CAMSAP1: variants seen among roughly 807,000 people sequenced by gnomAD.
The protein encoded by CAMSAP1 is calmodulin regulated spectrin associated protein 1, also known as calmodulin-regulated spectrin-associated protein 1.
A neutral mutation model predicts 143.5 loss-of-function variants in CAMSAP1; 58 were observed. That is an observed-to-expected ratio of 0.40 (90% CI 0.33 to 0.50). The LOEUF is 0.50. Among genes scored for constraint, CAMSAP1 ranks in the 20% least tolerant of loss-of-function variants. CAMSAP1 has a pLI of 0.45. For missense variants in CAMSAP1, 1,969 were observed against 2,115.7 expected, an observed-to-expected ratio of 0.93 and a Z score of 1.36; for synonymous variants, 945 against 859.3, an observed-to-expected ratio of 1.10 and a Z score of -1.74.
rs71384025 is a variant in CAMSAP1 at position 135,846,072 on chromosome 9, C to CAAAAAAAA, written c.1045+4057_1045+4064dup. ...CCCTCATAGCCAAGACAACCCTAAG[C>CAAAAAAAA]AAAAAAAAAAAAAAAAAAAAACGAA... On this transcript the variant is annotated intron_variant, in intron 7 of 16. Coordinates refer to ENST00000389532, the MANE Select transcript of CAMSAP1 (RefSeq NM_015447.4). Among the ~76,000 whole-genome samples the CAAAAAAAA allele has an allele frequency of 2.5e-5, 2 of 79,908 alleles. 1 individual carries two copies. The highest frequency in any genetic ancestry group is 9.3e-5 in the African/African-American group (2 of 21,528). The allele number at this position is 79,908 out of a possible 152,430, so 52.4% of individuals were successfully genotyped here.
At chr9:135,896,379 A>G (rs1234703365) in intron 1 of CAMSAP1, among the ~76,000 whole-genome samples, 1 of 152,236 alleles carries the variant, frequency 6.6e-6, no homozygotes, top group Non-Finnish European at 1.5e-5. Context: ...ATAAAGCCTC[A>G]AAGTACATGA....
At position 135,818,293 on chromosome 9, in the gene CAMSAP1, C is replaced by T; in HGVS notation, c.4168+115G>A. On this transcript the variant is annotated intron_variant, in intron 13 of 16. Transcript: ENST00000389532. The surrounding 1 kb of genome is among the most constrained non-coding windows in gnomAD (Gnocchi z 7.7). The stretch of plus-strand genomic sequence containing the variant: ...TCATCCATGAAACGGGGATAATCAT[C>T]TCCACCCTTCCCGCCTCACACCACT... The T allele has an allele frequency of 1.6e-6, 2 of 1,219,916 alleles. No individual in the cohort carries two copies. The highest frequency in any genetic ancestry group is 2.3e-6 in the Non-Finnish European group (2 of 884,396). 75.6% of individuals were successfully genotyped at this position (1,219,916 alleles called of 1,614,324 possible).
chr9:135,894,457 G>A (rs1191421956), intron 1 of CAMSAP1, among the ~76,000 whole-genome samples: 1 of 152,198 alleles, frequency 6.6e-6, no homozygotes, highest in Non-Finnish European at 1.5e-5. Context: ...CAAACACCCA[G>A]CCTGGGAAGC....
chr9:135,849,953 T>G (rs1042639068), intron 7 of CAMSAP1, 184 bp downstream of exon 7: 2 of 493,428 alleles, frequency 4.1e-6, no homozygotes, highest in Non-Finnish European at 7.1e-6. Context: ...CGTAACCGAA[T>G]AGTTCATCAA....
At position 135,818,452 on chromosome 9, in the gene CAMSAP1, C is replaced by G. The variant is rs376183260; in HGVS notation, c.4124G>C (p.Arg1375Pro). ...GCCGGAGTCGCTGCACGACTCTTCC[C>G]GGTGCACCGACTTCGGCCGCGGCTT... ...PKKPRPKSVH[R>P]EESCSDSGTK... Residue 1375 changes from arginine (R) to proline (P), a missense_variant, in exon 13 of 17, where the codon CGG becomes CCG. Coordinates refer to ENST00000389532, the MANE Select transcript of CAMSAP1 (RefSeq NM_015447.4). This position sits in a 1 kb window ranked among gnomAD's most constrained non-coding sequence, Gnocchi z 7.7. The G allele has an allele frequency of 6.2e-7, 1 of 1,600,992 alleles. No homozygotes were observed. Among genetic ancestry groups the G allele is most frequent in the Admixed American group, 1.7e-5 (1 of 59,266 alleles).
At chr9:135,875,667 G>A (rs1837719604) in intron 3 of CAMSAP1, among the ~76,000 whole-genome samples, 1 of 152,162 alleles carries the variant, frequency 6.6e-6, no homozygotes, top group African/African-American at 2.4e-5. Context: ...CAACAAAGAT[G>A]TCAAAGTAAT....
At chr9:135,859,185 T>G (rs1373311759) in intron 5 of CAMSAP1, among the ~76,000 whole-genome samples, 2 of 152,234 alleles carry the variant, frequency 1.3e-5, no homozygotes, top group African/African-American at 4.8e-5. Context: ...TGCTGCAGTC[T>G]CACCTGTGGC....
In CAMSAP1 at chr9:135,815,095, G is replaced by T; in HGVS notation, c.4506+2C>A. On this transcript the variant is annotated splice_donor_variant, in intron 16 of 16. Transcript: ENST00000389532. LOFTEE classifies it high-confidence loss of function. ...AAACTGAGGTTGAAACATGATACTT[G>T]CCTCCAATATGGAATTCTTGTGGGG... 1 of 1,592,538 alleles carries T rather than the reference G, an allele frequency of 6.3e-7. No individual in the cohort carries two copies. Among genetic ancestry groups the T allele is most frequent in the South Asian group, 1.1e-5 (1 of 90,086 alleles).
chr9:135,814,477 C>A (rs1025016186), intron 16 of CAMSAP1, among the ~76,000 whole-genome samples: 1 of 152,220 alleles, frequency 6.6e-6, no homozygotes, highest in Admixed American at 6.5e-5. Context: ...CCCCTGGAAT[C>A]CCAGTCCTGC....
chr9:135,870,397 CTGAGTCAAT>C (rs1837530700), intron 3 of CAMSAP1, among the ~76,000 whole-genome samples: 1 of 152,190 alleles, frequency 6.6e-6, no homozygotes, highest in Non-Finnish European at 1.5e-5. Flanking sequence ...CCATGTGGAA[CTGAGTCAAT>C]TAAACCTCTT....
chr9:135,893,178 A>G (rs998165593), intron 1 of CAMSAP1, among the ~76,000 whole-genome samples: 1 of 151,930 alleles, frequency 6.6e-6, no homozygotes, highest in African/African-American at 2.4e-5. Context: ...GAAAGAAGAA[A>G]AGAAGAGAAG....
At chr9:135,876,597 A>G (rs901349519) in intron 3 of CAMSAP1, among the ~76,000 whole-genome samples, 1 of 152,222 alleles carries the variant, frequency 6.6e-6, no homozygotes, top group African/African-American at 2.4e-5. Flanking sequence ...TAAATGGTAC[A>G]ATCACTGGAA....
In CAMSAP1 at chr9:135,907,259, G is replaced by T; in HGVS notation, c.-100C>A. On this transcript the variant is annotated 5_prime_UTR_variant, in exon 1 of 17. Transcript: ENST00000389532. ...GCGCCCCGAGCCACCACTCGGCCCC[G>T]CAGCCGGCCAGCCGGGAGGGGCGCC... 1 of 804,814 alleles carries T rather than the reference G, an allele frequency of 1.2e-6. No homozygotes were observed. Among genetic ancestry groups the T allele is most frequent in the Non-Finnish European group, 1.5e-6 (1 of 663,896 alleles). 49.9% of individuals were successfully genotyped at this position (804,814 alleles called of 1,614,324 possible). A position where few individuals can be genotyped will look rare whatever the true frequency, so the allele number is the denominator to read the frequency against.
chr9:135,898,709 G>C (rs1838528057), intron 1 of CAMSAP1, among the ~76,000 whole-genome samples: 1 of 152,134 alleles, frequency 6.6e-6, no homozygotes, highest in African/African-American at 2.4e-5. Context: ...CAAAAAGACT[G>C]ACATCATCAA....
rs768857823 is a variant in CAMSAP1 at position 135,820,023 on chromosome 9, G to A, written c.3822+816C>T. On this transcript the variant is annotated intron_variant, in intron 11 of 16. Coordinates refer to ENST00000389532, the MANE Select transcript of CAMSAP1 (RefSeq NM_015447.4). The surrounding 1 kb of genome is among the most constrained non-coding windows in gnomAD (Gnocchi z 4.4). ...CAGAAACAGTTGCGTGTCGCTTGCC[G>A]AGAGAAAACGTTCTGAGAAATAGGT... Among the ~76,000 whole-genome samples, 2 of 152,158 alleles carry A rather than the reference G, an allele frequency of 1.3e-5. No homozygotes were observed. The highest frequency in any genetic ancestry group is 6.5e-5 in the Admixed American group (1 of 15,276).
rs113233358 is a variant in CAMSAP1 at position 135,824,423 on chromosome 9, C to T, written c.1315+366G>A. ...GGCTCACACCTGTAATTCCAGCACT[C>T]TGGGAGGCCGAGGTGGGCAGATCAT... On this transcript the variant is annotated intron_variant, in intron 9 of 16. Coordinates refer to ENST00000389532, the MANE Select transcript of CAMSAP1 (RefSeq NM_015447.4). The surrounding 1 kb of genome is among the most constrained non-coding windows in gnomAD (Gnocchi z 4.1). 5.9e-5 allele frequency among the ~76,000 whole-genome samples: 9 copies of T among 152,292 alleles called. No homozygotes were observed. The highest frequency in any genetic ancestry group is 3.4e-3 in the Middle Eastern group (1 of 294).
intron 7 of CAMSAP1, among the ~76,000 whole-genome samples, chr9:135,828,905 A>C (rs950075407): frequency 6.6e-6 from 1 of 152,206 alleles, no homozygotes; most frequent in Non-Finnish European, 1.5e-5. Context: ...ATATATTCAA[A>C]ACGCTGAAAG....
intron 1 of CAMSAP1, among the ~76,000 whole-genome samples, chr9:135,887,242 C>A (rs1838151781): frequency 6.6e-6 from 1 of 152,116 alleles, no homozygotes; most frequent in South Asian, 2.1e-4. Flanking sequence ...GGGGCGGGGC[C>A]AGAACATGGT....
chr9:135,830,078 A>C (rs1287224713), intron 7 of CAMSAP1, among the ~76,000 whole-genome samples: 1 of 152,168 alleles, frequency 6.6e-6, no homozygotes, highest in Non-Finnish European at 1.5e-5. Flanking sequence ...CACAAAAGAA[A>C]AAAAGAAGGG....
Sources: allele counts gnomAD v4.1 joint callset (sites outside exome capture counted in the v4.1 genomes callset), GRCh38; gene constraint gnomAD v4.1.1; non-coding constraint Gnocchi (gnomAD v3.1); transcripts MANE v1.5; gene names NCBI Gene and HGNC (gene_info 2026-07-23, HGNC 2026-07-21).